The following SEPTIN11 variants were observed in gnomAD, a reference collection of about 807,000 sequenced individuals.
SEPTIN11 encodes the protein septin-11.
SEPTIN11 carries 25 observed loss-of-function variants against 51.4 expected under a neutral mutation model. The observed-to-expected ratio is 0.49, with a 90% CI of 0.35 to 0.68. SEPTIN11 has a LOEUF of 0.68. Among genes scored for constraint, SEPTIN11 ranks in the 30% least tolerant of loss-of-function variants. The probability of loss-of-function intolerance (pLI) is 0.00; values close to 1 mark genes in which losing one functional copy is unlikely to be tolerated. For missense variants in SEPTIN11, 381 were observed against 520.8 expected, an observed-to-expected ratio of 0.73 and a Z score of 2.61; for synonymous variants, 174 against 184.1, an observed-to-expected ratio of 0.95 and a Z score of 0.44.
chr4:77,026,870 T>C (rs939314489), intron 7 of SEPTIN11, among the ~76,000 whole-genome samples: 11 of 152,248 alleles, frequency 7.2e-5, no homozygotes, highest in African/African-American at 2.4e-4. Flanking sequence ...TATTTTATAG[T>C]TCTGTTATGA....
intron 2 of SEPTIN11, among the ~76,000 whole-genome samples, chr4:77,003,506 C>T (rs1443140407): frequency 6.6e-6 from 1 of 152,158 alleles, no homozygotes; most frequent in African/African-American, 2.4e-5. Flanking sequence ...ATATAGTAGG[C>T]ACTGGAAAAA....
intron 3 of SEPTIN11, among the ~76,000 whole-genome samples, chr4:77,009,444 G>A (rs1408523046): frequency 6.6e-6 from 1 of 152,344 alleles, no homozygotes; most frequent in East Asian, 1.9e-4. Context: ...GATAGATGGT[G>A]AGTGGAACAC....
chr4:76,972,585 T>C (rs1271737340), intron 1 of SEPTIN11: 2 of 152,172 alleles, frequency 1.3e-5, no homozygotes, highest in Admixed American at 1.3e-4. Flanking sequence ...AAGAAATGTT[T>C]ATGAGGTAAT....
At chr4:76,954,873 T>C (rs980683253) in intron 1 of SEPTIN11, among the ~76,000 whole-genome samples, 8 of 152,182 alleles carry the variant, frequency 5.3e-5, no homozygotes, top group African/African-American at 1.9e-4. Flanking sequence ...AGGGGTAGGC[T>C]GAGGTGGTGA....
At chr4:77,001,228 A>G (rs1724099115) in intron 2 of SEPTIN11, among the ~76,000 whole-genome samples, 1 of 152,236 alleles carries the variant, frequency 6.6e-6, no homozygotes, top group African/African-American at 2.4e-5. Context: ...TAATTACTGT[A>G]GCAATAGAGT....
At chr4:77,010,308 CTA>C (rs1724771845) in intron 3 of SEPTIN11, among the ~76,000 whole-genome samples, 1 of 152,062 alleles carries the variant, frequency 6.6e-6, no homozygotes, top group Admixed American at 6.5e-5. Context: ...TCCTCTATAA[CTA>C]TCTCATTAAA....
intron 2 of SEPTIN11, among the ~76,000 whole-genome samples, chr4:77,001,949 G>A (rs1724148925): frequency 6.6e-6 from 1 of 152,136 alleles, no homozygotes; most frequent in African/African-American, 2.4e-5. Flanking sequence ...GACTAGCATG[G>A]GGAACACAGT....
intron 1 of SEPTIN11, among the ~76,000 whole-genome samples, chr4:76,988,551 C>T (rs1027823635): frequency 6.6e-6 from 1 of 152,156 alleles, no homozygotes; most frequent in African/African-American, 2.4e-5. Context: ...CTCTGTCACC[C>T]AGGCTGGAGT....
chr4:77,036,702 C>A lies in SEPTIN11; in HGVS notation c.*2190C>A. 1.3e-6 allele frequency: 2 copies of A among 1,535,246 alleles called. No homozygotes were observed. The highest frequency in any genetic ancestry group is 2.4e-5 in the South Asian group (2 of 83,922). Reference sequence around the variant, plus strand: ...CTGAACTTTTTTCTGCCACTGCTCCCTAGCCCTGTTTAGTTTGTTATTGCT... The same window carrying A: ...CTGAACTTTTTTCTGCCACTGCTCCATAGCCCTGTTTAGTTTGTTATTGCT... On this transcript the variant is annotated 3_prime_UTR_variant, in exon 10 of 10. Coordinates refer to ENST00000264893, the MANE Select transcript of SEPTIN11 (RefSeq NM_018243.4).
intron 1 of SEPTIN11, among the ~76,000 whole-genome samples, chr4:76,962,507 TG>T (rs559013667): frequency 2.4e-3 from 361 of 152,322 alleles, no homozygotes; most frequent in African/African-American, 8.2e-3. Context: ...TATCCCCACA[TG>T]GGGAAACGGG....
chr4:77,039,639 TG>T (rs1727253253), downstream of SEPTIN11: 4 of 969,658 alleles, frequency 4.1e-6, no homozygotes, highest in African/African-American at 3.7e-5. Flanking sequence ...TTTTGGTGTT[TG>T]GGGTTTTTAA....
chr4:77,037,206 A>T lies in SEPTIN11; in HGVS notation c.*2694A>T. On this transcript the variant is annotated 3_prime_UTR_variant, in exon 10 of 10. Coordinates refer to ENST00000264893, the MANE Select transcript of SEPTIN11 (RefSeq NM_018243.4). ...GTGAAACCCCGTCTCTACAAAAAAT[A>T]CAAAAATTAGCCAGGCGTGGTGGCA... 3.3e-6 allele frequency: 2 copies of T among 613,974 alleles called. No individual in the cohort carries two copies. Among genetic ancestry groups the T allele is most frequent in the Non-Finnish European group, 4.1e-6 (2 of 490,532 alleles). 38.0% of individuals were successfully genotyped at this position (613,974 alleles called of 1,614,324 possible).
At chr4:76,970,863 T>G (rs1435896648) in intron 1 of SEPTIN11, among the ~76,000 whole-genome samples, 1 of 152,234 alleles carries the variant, frequency 6.6e-6, no homozygotes, top group Admixed American at 6.5e-5. Context: ...CTCCTGAAGC[T>G]GTTTTTTATG....
At chr4:77,014,784 T>C (rs1725102811) in intron 4 of SEPTIN11, 72 bp from the exon 5 acceptor site, 2 of 1,469,320 alleles carry the variant, frequency 1.4e-6, no homozygotes, top group African/African-American at 2.8e-5. Flanking sequence ...TTTATTTGTT[T>C]GCTATGTTTT....
intron 6 of SEPTIN11, 145 bp downstream of exon 6, chr4:77,019,406 C>A: frequency 1.7e-6 from 1 of 581,164 alleles, no homozygotes; most frequent in East Asian, 3.0e-5. Flanking sequence ...ATGTGACAAT[C>A]GTGGAGGTGA....
intron 2 of SEPTIN11, among the ~76,000 whole-genome samples, chr4:77,004,099 CTT>C (rs572651267): frequency 2.1e-4 from 32 of 152,292 alleles, no homozygotes; most frequent in African/African-American, 6.3e-4. Context: ...TGCCAACTGT[CTT>C]TGACTCAACA....
chr4:77,007,992 A>G (rs1560728205), intron 3 of SEPTIN11, among the ~76,000 whole-genome samples: 1 of 152,234 alleles, frequency 6.6e-6, no homozygotes, highest in Non-Finnish European at 1.5e-5. Context: ...TCTGCCATAG[A>G]TGCAAGACTT....
Position 77,037,682 on chromosome 4 carries a change from T to C in SEPTIN11, c.*3170T>C. On this transcript the variant is annotated 3_prime_UTR_variant, in exon 10 of 10. Coordinates refer to ENST00000264893, the MANE Select transcript of SEPTIN11 (RefSeq NM_018243.4). ...TTCAAACATAATACCATCTTTTTGC[T>C]TCTTCTGAACTTTAGATCTCCATAA... 1.0e-5 allele frequency: 10 copies of C among 985,872 alleles called. No individual in the cohort carries two copies. Among genetic ancestry groups the C allele is most frequent in the Non-Finnish European group, 1.2e-5 (10 of 829,940 alleles). The allele number at this position is 985,872 out of a possible 1,614,324, so 61.1% of individuals were successfully genotyped here.
chr4:77,035,376 G>T lies in SEPTIN11; in HGVS notation c.*864G>T. ...ATAAACACACCTCAGTTTGTTCCCA[G>T]TGGGCTTAGAGGGAGGACCTGATGA... On this transcript the variant is annotated 3_prime_UTR_variant, in exon 10 of 10. Coordinates refer to ENST00000264893, the MANE Select transcript of SEPTIN11 (RefSeq NM_018243.4). 1.0e-6 allele frequency: 1 copy of T among 985,434 alleles called. No individual in the cohort carries two copies. The highest frequency in any genetic ancestry group is 1.2e-6 in the Non-Finnish European group (1 of 829,930). 61.0% of individuals were successfully genotyped at this position (985,434 alleles called of 1,614,324 possible).
Sources: gnomAD v4.1 joint callset for allele counts (sites outside exome capture counted in the v4.1 genomes callset) on GRCh38, gnomAD v4.1.1 for gene constraint, MANE v1.5 for transcripts, NCBI Gene and HGNC (gene_info 2026-07-23, HGNC 2026-07-21) for gene names.